Variants in DPP10 observed in about 807,000 individuals in gnomAD.
The protein encoded by DPP10 is inactive dipeptidyl peptidase 10.
DPP10 carries 33 observed loss-of-function variants against 120.9 expected under a neutral mutation model. The observed-to-expected ratio is 0.27, with a 90% CI of 0.21 to 0.37. The LOEUF (loss-of-function observed/expected upper bound fraction) is 0.37. Among genes scored for constraint, DPP10 ranks in the 10% least tolerant of loss-of-function variants. DPP10 has a pLI of 1.00. For synonymous variants in DPP10, 337 were observed against 326.1 expected (o/e 1.03, Z -0.36); for missense variants, 816 against 942.8 (o/e 0.87, Z 1.76).
chr2:115,272,306 T>C (rs550453998), intron 1 of DPP10, among the ~76,000 whole-genome samples: 1 of 152,344 alleles, frequency 6.6e-6, no homozygotes, highest in Non-Finnish European at 1.5e-5. Context: ...CCTGCACTCA[T>C]AGTGCCTAAA....
At chr2:114,685,987 G>A (rs928646270) in intron 1 of DPP10, among the ~76,000 whole-genome samples, 1 of 151,838 alleles carries the variant, frequency 6.6e-6, no homozygotes, top group Non-Finnish European at 1.5e-5. Flanking sequence ...TATTACAGCT[G>A]GCTCTACCAG....
At chr2:115,652,411 G>A (rs1418479773) in intron 5 of DPP10, among the ~76,000 whole-genome samples, 2 of 61,536 alleles carry the variant, frequency 3.3e-5, no homozygotes, top group Non-Finnish European at 5.6e-5. Flanking sequence ...GGATATATAT[G>A]TGTGTGTGTG....
intron 3 of DPP10, among the ~76,000 whole-genome samples, chr2:115,373,590 C>T (rs945477891): frequency 7.3e-5 from 11 of 151,628 alleles, no homozygotes; most frequent in South Asian, 2.1e-4. Flanking sequence ...TGGAAAAACT[C>T]GAAAAAGGAA....
At chr2:115,725,943 G>A (rs544792984) in intron 7 of DPP10, among the ~76,000 whole-genome samples, 9 of 152,128 alleles carry the variant, frequency 5.9e-5, no homozygotes, top group African/African-American at 1.9e-4. Flanking sequence ...ATCAGGGGTC[G>A]TGAAAGTCAT....
chr2:115,099,746 C>A (rs1005914068), intron 1 of DPP10, among the ~76,000 whole-genome samples: 2 of 152,060 alleles, frequency 1.3e-5, no homozygotes, highest in South Asian at 4.1e-4. Flanking sequence ...AGGATGGGTC[C>A]CCTCAGTGTG....
chr2:114,576,456 A>G (rs1278388554), intron 1 of DPP10, among the ~76,000 whole-genome samples: 2 of 152,168 alleles, frequency 1.3e-5, no homozygotes, highest in African/African-American at 2.4e-5. Context: ...CACAGTGAAA[A>G]TCTGTGCCTG....
chr2:114,643,488 G>A lies in DPP10; in HGVS notation c.60+200650G>A, dbSNP rs1351433604. ...TGACAAGCTTTTTATTTATGACCCA[G>A]GGTTTAACCCATGTGAGCTCATACT... On this transcript the variant is annotated intron_variant, in intron 1 of 25. Transcript: ENST00000410059. 1.3e-5 allele frequency among the ~76,000 whole-genome samples: 2 copies of A among 151,714 alleles called. 1 individual carries two copies. Among genetic ancestry groups the A allele is most frequent in the African/African-American group, 4.9e-5 (2 of 41,054 alleles).
chr2:115,119,864 T>A (rs577775852), intron 1 of DPP10, among the ~76,000 whole-genome samples: 1 of 152,302 alleles, frequency 6.6e-6, no homozygotes, highest in East Asian at 1.9e-4. Context: ...GACTAACAAG[T>A]GGGCCTAAAA....
chr2:114,688,703 G>A (rs1406025464), intron 1 of DPP10, among the ~76,000 whole-genome samples: 1 of 151,006 alleles, frequency 6.6e-6, no homozygotes, highest in East Asian at 1.9e-4. Context: ...ACTGACAAGT[G>A]CGCATGTGAG....
chr2:115,712,540 T>TCATATATATA (rs2092353572), intron 7 of DPP10, among the ~76,000 whole-genome samples: 1 of 18,060 alleles, frequency 5.5e-5, no homozygotes, highest in Non-Finnish European at 3.0e-4. Flanking sequence ...GAGTCCTGAA[T>TCATATATATA]TAAATATATA....
intron 1 of DPP10, among the ~76,000 whole-genome samples, chr2:114,707,520 A>G (rs1456011435): frequency 6.6e-6 from 1 of 152,206 alleles, no homozygotes; most frequent in Non-Finnish European, 1.5e-5. Context: ...TATTTTATTA[A>G]TGGAGCAAAA....
intron 3 of DPP10, among the ~76,000 whole-genome samples, chr2:115,424,645 T>C (rs770085733): frequency 2.0e-5 from 3 of 152,098 alleles, no homozygotes; most frequent in East Asian, 1.9e-4. Context: ...TTTTAAAATA[T>C]ATATAGATAA....
intron 1 of DPP10, among the ~76,000 whole-genome samples, chr2:115,201,995 G>C (rs895870826): frequency 6.6e-6 from 1 of 152,134 alleles, no homozygotes; most frequent in East Asian, 1.9e-4. Flanking sequence ...GCATGATTCA[G>C]GGTTCTCAAT....
intron 5 of DPP10, among the ~76,000 whole-genome samples, chr2:115,581,464 T>G (rs775268069): frequency 3.3e-5 from 5 of 152,172 alleles, no homozygotes; most frequent in Admixed American, 6.5e-5. Flanking sequence ...GTATCAGAAC[T>G]AGGGCCAAGG....
chr2:115,791,247 A>T (rs571422478), intron 18 of DPP10, 40 bp from the exon 19 acceptor site: 30 of 1,603,756 alleles, frequency 1.9e-5, no homozygotes, highest in Non-Finnish European at 2.6e-5. Flanking sequence ...TTACCTGCAA[A>T]TGACTCTCCA....
chr2:115,405,385 C>T (rs1183380751), intron 3 of DPP10, among the ~76,000 whole-genome samples: 1 of 152,158 alleles, frequency 6.6e-6, no homozygotes, highest in Non-Finnish European at 1.5e-5. Context: ...ACAGGCCCAC[C>T]TCCAAGACTT....
At chr2:115,540,746 T>C (rs906046639) in intron 5 of DPP10, among the ~76,000 whole-genome samples, 6 of 152,012 alleles carry the variant, frequency 3.9e-5, no homozygotes, top group African/African-American at 1.2e-4. Flanking sequence ...ATATTTCAAA[T>C]ACAAAAACAT....
intron 1 of DPP10, among the ~76,000 whole-genome samples, chr2:114,935,967 CATTTATTT>C (rs199515045): frequency 6.6e-6 from 1 of 151,490 alleles, no homozygotes; most frequent in Non-Finnish European, 1.5e-5. Flanking sequence ...CTTTCTGTGA[CATTTATTT>C]ATTTATTTGT....
chr2:115,358,976 C>A (rs1191802874), intron 3 of DPP10, among the ~76,000 whole-genome samples: 1 of 152,148 alleles, frequency 6.6e-6, no homozygotes, highest in South Asian at 2.1e-4. Context: ...TCCCGTGGCA[C>A]ATGGAGATTA....
Sources: gnomAD v4.1 joint callset for allele counts (sites outside exome capture counted in the v4.1 genomes callset) on GRCh38, gnomAD v4.1.1 for gene constraint, MANE v1.5 for transcripts, NCBI Gene and HGNC (gene_info 2026-07-23, HGNC 2026-07-21) for gene names.